SPATS2L: variants seen among roughly 807,000 people sequenced by gnomAD.
SPATS2L encodes the protein SPATS2-like protein.
In SPATS2L, 30 loss-of-function variants were observed where a neutral mutation model predicts 59.6. That is an observed-to-expected ratio of 0.50 (90% CI 0.38 to 0.68). SPATS2L has a LOEUF of 0.68. SPATS2L is among the 30% of genes least tolerant of loss of function. The pLI is 0.00. For missense variants in SPATS2L, 615 were observed against 700.0 expected (o/e 0.88, Z 1.37); for synonymous variants, 252 against 263.5 (o/e 0.96, Z 0.42).
chr2:200,384,739 C>G (rs1473049810), intron 2 of SPATS2L, among the ~76,000 whole-genome samples: 1 of 152,090 alleles, frequency 6.6e-6, no homozygotes, highest in Admixed American at 6.5e-5. Context: ...ATATGTTTCC[C>G]TAATAAGTTT....
At chr2:200,402,725 C>G (rs1481416085) in intron 3 of SPATS2L, among the ~76,000 whole-genome samples, 2 of 152,204 alleles carry the variant, frequency 1.3e-5, no homozygotes, top group East Asian at 3.8e-4. Context: ...TTGTGACTGA[C>G]TGAAGAAATG....
intron 12 of SPATS2L, 121 bp from the exon 13 acceptor site, chr2:200,477,515 T>TAAAAAAAAAAAAAAATAAA (rs2087630737): frequency 3.7e-6 from 1 of 268,514 alleles, no homozygotes; most frequent in African/African-American, 4.4e-5. Context: ...TTCTGGTGTA[T>TAAAAAAAAAAAAAAATAAA]AAAAAAAAAA....
At chr2:200,365,197 T>C (rs1016122842) in intron 2 of SPATS2L, among the ~76,000 whole-genome samples, 1 of 152,220 alleles carries the variant, frequency 6.6e-6, no homozygotes, top group African/African-American at 2.4e-5. Flanking sequence ...ATTTTGTGGG[T>C]TTACTTATGT....
At chr2:200,416,000 CA>C (rs1373443041) in intron 4 of SPATS2L, among the ~76,000 whole-genome samples, 1 of 152,056 alleles carries the variant, frequency 6.6e-6, no homozygotes, top group African/African-American at 2.4e-5. Context: ...TTCAGAATCC[CA>C]TATTTGGTTC....
At chr2:200,409,011 C>T (rs552884248) in intron 3 of SPATS2L, among the ~76,000 whole-genome samples, 3 of 152,354 alleles carry the variant, frequency 2.0e-5, no homozygotes, top group South Asian at 4.1e-4. Context: ...CACCCAACAG[C>T]GGCCGCCTGG....
At chr2:200,348,390 G>T (rs2080592130) in intron 2 of SPATS2L, among the ~76,000 whole-genome samples, 1 of 152,234 alleles carries the variant, frequency 6.6e-6, no homozygotes, top group Admixed American at 6.5e-5. Context: ...ACTTCAATTA[G>T]CTTTGGGCAA....
intron 5 of SPATS2L, 93 bp from the exon 6 acceptor site, chr2:200,419,153 CAAAA>C: frequency 2.3e-6 from 3 of 1,289,138 alleles, no homozygotes; most frequent in Non-Finnish European, 3.1e-6. Flanking sequence ...AGCCAGGAAC[CAAAA>C]AAGATAGCAT....
Position 200,306,867 on chromosome 2 carries a change from G to C in SPATS2L, c.-128G>C, listed in dbSNP as rs1375128040. On this transcript the variant is annotated 5_prime_UTR_variant, in exon 1 of 13. Transcript: ENST00000409140. ...CGCCGCGGCGCCTCCCCTGGCGACC[G>C]CGCCCCCGGGCCCCGGCTCCGGCCC... is the stretch of plus-strand genomic sequence containing the variant. 30 of 980,864 alleles carry C rather than the reference G, an allele frequency of 3.1e-5. No individual in the cohort carries two copies. Among genetic ancestry groups the C allele is most frequent in the Non-Finnish European group, 3.4e-5 (28 of 828,196 alleles). 60.8% of individuals were successfully genotyped at this position (980,864 alleles called of 1,614,324 possible). A position where few individuals can be genotyped will look rare whatever the true frequency, so the allele number is the denominator to read the frequency against.
intron 2 of SPATS2L, among the ~76,000 whole-genome samples, chr2:200,387,221 A>G (rs1179390634): frequency 6.6e-6 from 1 of 152,224 alleles, no homozygotes; most frequent in Non-Finnish European, 1.5e-5. Flanking sequence ...CCTTAGCCTT[A>G]CTTTCAATGG....
At chr2:200,464,840 T>C (rs1242720548) in intron 9 of SPATS2L, among the ~76,000 whole-genome samples, 1 of 152,216 alleles carries the variant, frequency 6.6e-6, no homozygotes, top group Non-Finnish European at 1.5e-5. Flanking sequence ...ATCTTCCTAC[T>C]TGAATTGTTT....
chr2:200,402,789 A>T (rs574649882), intron 3 of SPATS2L, among the ~76,000 whole-genome samples: 19 of 152,348 alleles, frequency 1.2e-4, no homozygotes, highest in African/African-American at 4.6e-4. Flanking sequence ...TTTTTATGGT[A>T]ATACTCTAGC....
At chr2:200,472,694 C>G in intron 11 of SPATS2L, 138 bp from the exon 12 acceptor site, 4 of 725,250 alleles carry the variant, frequency 5.5e-6, no homozygotes, top group Non-Finnish European at 9.1e-6. Context: ...TTTCAAATAA[C>G]ATCTTTCAAA....
intron 5 of SPATS2L, among the ~76,000 whole-genome samples, chr2:200,417,062 G>A (rs763982815): frequency 6.6e-6 from 1 of 152,176 alleles, no homozygotes; most frequent in African/African-American, 2.4e-5. Context: ...CTGGGAGCTC[G>A]TGAGATGCGT....
intron 8 of SPATS2L, among the ~76,000 whole-genome samples, chr2:200,441,457 C>T (rs1434610719): frequency 2.0e-5 from 3 of 152,176 alleles, no homozygotes; most frequent in Non-Finnish European, 4.4e-5. Context: ...AATCAAGTCA[C>T]AGAAGTTAAA....
chr2:200,315,440 A>G (rs2079338053), intron 1 of SPATS2L, among the ~76,000 whole-genome samples: 1 of 152,110 alleles, frequency 6.6e-6, no homozygotes, highest in African/African-American at 2.4e-5. Flanking sequence ...GTGGAATCAC[A>G]TTCCCTGGAA....
rs527656676 is a variant in SPATS2L, at chr2:200,355,696, A to G, written c.-23+26216A>G. On this transcript the variant is annotated intron_variant, in intron 2 of 12. Transcript: ENST00000409140. ...ATTCCGTATTCCACTGTGTATACAA[A>G]TATGTTTATGCAGACACATACATCT... is the stretch of plus-strand genomic sequence containing the variant. 2.0e-5 allele frequency among the ~76,000 whole-genome samples: 3 copies of G among 152,380 alleles called. No individual in the cohort carries two copies. The South Asian group carries it at 6.2e-4, about 32-fold the overall frequency.
rs371882248 is a variant in SPATS2L, at chr2:200,391,380, T to A, written c.39+2097T>A. 5.5e-4 allele frequency among the ~76,000 whole-genome samples: 84 copies of A among 152,346 alleles called. 1 individual carries two copies. Among genetic ancestry groups the A allele is most frequent in the South Asian group, 3.5e-3 (17 of 4,830 alleles). ...TACATATATTACTGCAGCATGTTTGTTTTTTATTAATATTCTAAGTATATT... is the reference window on the plus strand; with the variant it reads ...TACATATATTACTGCAGCATGTTTGATTTTTATTAATATTCTAAGTATATT... On this transcript the variant is annotated intron_variant, in intron 3 of 12. Coordinates refer to ENST00000409140, the MANE Select transcript of SPATS2L (RefSeq NM_001100423.2).
At position 200,311,862 on chromosome 2, in the gene SPATS2L, A is replaced by G. The variant is rs146143392; in HGVS notation, c.-73+4940A>G. On this transcript the variant is annotated intron_variant, in intron 1 of 12. Transcript: ENST00000409140. Reference sequence around the variant, plus strand: ...GAGTGGAGGGAATCTTCTTAGAATGACAGTTGTTTGAGGTGATTACTGAAA... The same window carrying G: ...GAGTGGAGGGAATCTTCTTAGAATGGCAGTTGTTTGAGGTGATTACTGAAA... Among the ~76,000 whole-genome samples the G allele has an allele frequency of 9.4e-4, 143 of 152,210 alleles. 2 individuals are homozygous for G. The highest frequency in any genetic ancestry group is 3.1e-3 in the African/African-American group (130 of 41,518).
chr2:200,323,627 T>G (rs1462085568), intron 1 of SPATS2L, among the ~76,000 whole-genome samples: 3 of 152,068 alleles, frequency 2.0e-5, no homozygotes, highest in Non-Finnish European at 4.4e-5. Flanking sequence ...TCTCTCAGAG[T>G]TTGGATGCTC....
Sources: allele counts gnomAD v4.1 joint callset (sites outside exome capture counted in the v4.1 genomes callset), GRCh38; gene constraint gnomAD v4.1.1; transcripts MANE v1.5; gene names NCBI Gene and HGNC (gene_info 2026-07-23, HGNC 2026-07-21).